The following NFKB1 variants were observed in gnomAD, a reference collection of about 807,000 sequenced individuals.
NFKB1 encodes the protein nuclear factor kappa B subunit 1, also known as nuclear factor NF-kappa-B p105 subunit.
Under a neutral mutation model 105.1 loss-of-function variants are expected in NFKB1, and 9 were observed. That is an observed-to-expected ratio of 0.09 (90% CI 0.05 to 0.15). The LOEUF is 0.15. NFKB1 is among the 10% of genes least tolerant of loss of function. The probability of loss-of-function intolerance (pLI) is 1.00; values close to 1 mark genes in which losing one functional copy is unlikely to be tolerated. For missense variants in NFKB1, 830 were observed against 1,203.7 expected, an observed-to-expected ratio of 0.69 and a Z score of 4.59; for synonymous variants, 440 against 442.2, an observed-to-expected ratio of 1.00 and a Z score of 0.06.
intron 19 of NFKB1, among the ~76,000 whole-genome samples, chr4:102,608,676 T>TA (rs1421557947): frequency 6.6e-6 from 1 of 151,520 alleles, no homozygotes; most frequent in African/African-American, 2.4e-5. Flanking sequence ...TTTTTTAACT[T>TA]AAAAGGTAAA....
intron 1 of NFKB1, among the ~76,000 whole-genome samples, chr4:102,523,336 A>G (rs1363024950): frequency 6.6e-6 from 1 of 152,200 alleles, no homozygotes; most frequent in Non-Finnish European, 1.5e-5. Flanking sequence ...GCAAATCTGC[A>G]TGAACTTCAT....
chr4:102,579,519 A>G (rs891162808), intron 8 of NFKB1, among the ~76,000 whole-genome samples: 1 of 151,932 alleles, frequency 6.6e-6, no homozygotes, highest in African/African-American at 2.4e-5. Flanking sequence ...TGTGACTTCA[A>G]AATCCTATTT....
intron 5 of NFKB1, among the ~76,000 whole-genome samples, chr4:102,561,971 G>A (rs1261010663): frequency 6.6e-6 from 1 of 152,280 alleles, no homozygotes; most frequent in East Asian, 1.9e-4. Context: ...GGCTAAAGTG[G>A]TGAGGAGGGT....
chr4:102,546,243 G>T (rs1409821819), intron 5 of NFKB1, among the ~76,000 whole-genome samples: 2 of 151,954 alleles, frequency 1.3e-5, no homozygotes, highest in Admixed American at 6.6e-5. Flanking sequence ...AAAGAAGATT[G>T]GTTAACACCT....
chr4:102,512,117 C>T (rs1196892080), intron 1 of NFKB1, among the ~76,000 whole-genome samples: 1 of 152,136 alleles, frequency 6.6e-6, no homozygotes, highest in Non-Finnish European at 1.5e-5. Context: ...ACTGTTTTTC[C>T]TCAGTTGTTA....
chr4:102,502,333 CTCGCTCTCTG>C (rs796364543), intron 1 of NFKB1, among the ~76,000 whole-genome samples: 39 of 151,404 alleles, frequency 2.6e-4, no homozygotes, highest in African/African-American at 9.5e-4. Context: ...AGAAACCTGG[CTCGCTCTCTG>C]TCTCTCTCTC....
At chr4:102,517,588 A>G (rs112126317) in intron 1 of NFKB1, among the ~76,000 whole-genome samples, 7 of 152,342 alleles carry the variant, frequency 4.6e-5, no homozygotes, top group South Asian at 4.1e-4. Context: ...GTAAAGTTAG[A>G]TTGCAGTAAA....
chr4:102,570,012 C>T (rs150215928), intron 6 of NFKB1, among the ~76,000 whole-genome samples: 342 of 152,160 alleles, frequency 2.2e-3, no homozygotes, highest in Middle Eastern at 6.8e-3. Flanking sequence ...TTTGTTTCAA[C>T]ATATTTTAGT....
chr4:102,538,652 TTTTC>T (rs1430812004), intron 5 of NFKB1, among the ~76,000 whole-genome samples: 4 of 152,198 alleles, frequency 2.6e-5, no homozygotes, highest in Non-Finnish European at 4.4e-5. Context: ...TTGAGAATAT[TTTTC>T]TTTAAGTTAA....
chr4:102,537,595 C>T (rs1183866871), intron 4 of NFKB1: 3 of 298,446 alleles, frequency 1.0e-5, no homozygotes, highest in Non-Finnish European at 1.9e-5. Context: ...TTACTCTCCA[C>T]ACATGCATAG....
At chr4:102,513,390 A>G (rs1029014512) in intron 1 of NFKB1, among the ~76,000 whole-genome samples, 13 of 152,228 alleles carry the variant, frequency 8.5e-5, no homozygotes, top group Non-Finnish European at 2.9e-5. Context: ...ATAAAAATAA[A>G]TTTTACTTGA....
At chr4:102,565,672 TC>T (rs1723805678) in intron 5 of NFKB1, among the ~76,000 whole-genome samples, 1 of 151,954 alleles carries the variant, frequency 6.6e-6, no homozygotes, top group Non-Finnish European at 1.5e-5. Flanking sequence ...CCATCCTCCC[TC>T]CCTCTCTCCC....
chr4:102,515,107 ATTTTTTT>A (rs34257045), intron 1 of NFKB1, among the ~76,000 whole-genome samples: 1 of 95,656 alleles, frequency 1.0e-5, no homozygotes, highest in East Asian at 3.0e-4. Flanking sequence ...TATTATTATT[ATTTTTTT>A]TTTTTTTTTT....
At chr4:102,590,075 C>T (rs1264474635) in intron 11 of NFKB1, among the ~76,000 whole-genome samples, 3 of 152,150 alleles carry the variant, frequency 2.0e-5, no homozygotes, top group Non-Finnish European at 4.4e-5. Context: ...TCATCAGTCA[C>T]CAGAGGTTAC....
intron 4 of NFKB1, among the ~76,000 whole-genome samples, chr4:102,536,000 AT>A (rs1373289754): frequency 1.3e-5 from 2 of 151,946 alleles, no homozygotes; most frequent in Non-Finnish European, 2.9e-5. Context: ...TAGACTACTA[AT>A]TTTTAGAACA....
At chr4:102,530,569 C>G (rs191540072) in intron 3 of NFKB1, among the ~76,000 whole-genome samples, 1 of 152,138 alleles carries the variant, frequency 6.6e-6, no homozygotes, top group Admixed American at 6.6e-5. Flanking sequence ...TCACTTCACC[C>G]GTCACCAGTG....
At chr4:102,595,034 A>T in intron 13 of NFKB1, 53 bp downstream of exon 13, 2 of 1,262,340 alleles carry the variant, frequency 1.6e-6, no homozygotes, top group African/African-American at 1.5e-5. Context: ...AATTAATGCT[A>T]AAAAGGGTTT....
intron 5 of NFKB1, among the ~76,000 whole-genome samples, chr4:102,554,287 G>T (rs4648011): frequency 0.61 from 92,989 of 152,068 alleles, 28,778 homozygotes; most frequent in Middle Eastern, 0.72. Flanking sequence ...CTTCAGGCTA[G>T]GCCTGTAAAT....
At chr4:102,547,499 G>T (rs944622795) in intron 5 of NFKB1, among the ~76,000 whole-genome samples, 1 of 152,112 alleles carries the variant, frequency 6.6e-6, no homozygotes, top group South Asian at 2.1e-4. Context: ...GCATGATGTT[G>T]GTTCCTAGTT....
Sources: gnomAD v4.1 joint callset for allele counts (sites outside exome capture counted in the v4.1 genomes callset) on GRCh38, gnomAD v4.1.1 for gene constraint, MANE v1.5 for transcripts, NCBI Gene and HGNC (gene_info 2026-07-23, HGNC 2026-07-21) for gene names.